Variants in AFF3 observed in about 807,000 individuals in gnomAD.
The protein encoded by AFF3 is AF4/FMR2 family member 3.
In AFF3, 32 loss-of-function variants were observed where a neutral mutation model predicts 129.7. That is an observed-to-expected ratio of 0.25 (90% confidence interval 0.19 to 0.33). AFF3 has a LOEUF of 0.33. Ranked by LOEUF, AFF3 falls within the 10% of genes least tolerant of loss-of-function variation. The pLI is 1.00. For synonymous variants in AFF3, 644 were observed against 635.4 expected (o/e 1.01, Z -0.20); for missense variants, 1,373 against 1,592.0 (o/e 0.86, Z 2.34).
At chr2:99,659,925 C>T (rs561993405) in intron 12 of AFF3, among the ~76,000 whole-genome samples, 15 of 152,300 alleles carry the variant, frequency 9.8e-5, no homozygotes, top group African/African-American at 3.1e-4. Flanking sequence ...GACTCTGTGG[C>T]CTGCTCATCT....
At chr2:100,088,766 C>T (rs572284725) in intron 4 of AFF3, among the ~76,000 whole-genome samples, 22 of 151,784 alleles carry the variant, frequency 1.4e-4, no homozygotes, top group African/African-American at 4.8e-4. Context: ...AATATTGCAT[C>T]GTGATACTCA....
intron 4 of AFF3, among the ~76,000 whole-genome samples, chr2:100,075,505 G>A (rs1397736258): frequency 6.6e-6 from 1 of 152,106 alleles, no homozygotes; most frequent in Non-Finnish European, 1.5e-5. Flanking sequence ...ACTAAAGAAT[G>A]CCCTTCCACA....
chr2:99,723,849 G>A (rs560692130), intron 11 of AFF3, among the ~76,000 whole-genome samples: 38 of 152,252 alleles, frequency 2.5e-4, no homozygotes, highest in African/African-American at 8.9e-4. Context: ...AATCCAATAT[G>A]ACTGCTGACT....
chr2:99,868,797 T>G (rs1183030108), intron 7 of AFF3, among the ~76,000 whole-genome samples: 1 of 152,110 alleles, frequency 6.6e-6, no homozygotes, highest in Non-Finnish European at 1.5e-5. Flanking sequence ...ACAGTCCTAT[T>G]ATTTTCTGTT....
At position 99,905,189 on chromosome 2, in the gene AFF3, G is replaced by A. The variant is rs116296768; in HGVS notation, c.874-67665C>T. On this transcript the variant is annotated intron_variant, in intron 7 of 24. Coordinates refer to ENST00000672756, the MANE Select transcript of AFF3 (RefSeq NM_001386135.1). Reference sequence around the variant, plus strand: ...CACAACTTTGTGGGAATCTGATGGCGCACGTCTGTTCTGGAGGAACTTGCT... The same window carrying A: ...CACAACTTTGTGGGAATCTGATGGCACACGTCTGTTCTGGAGGAACTTGCT... Among the ~76,000 whole-genome samples, 19 of 152,312 alleles carry A rather than the reference G, an allele frequency of 1.2e-4. No homozygotes were observed. The South Asian group carries it at 1.9e-3, about 15-fold the overall frequency.
chr2:99,844,079 T>C (rs1689522288), intron 7 of AFF3, among the ~76,000 whole-genome samples: 1 of 151,478 alleles, frequency 6.6e-6, no homozygotes, highest in Non-Finnish European at 1.5e-5. Context: ...AAAAGGAAAA[T>C]AAAAAACTTC....
intron 8 of AFF3, among the ~76,000 whole-genome samples, chr2:99,806,111 T>C (rs1686330750): frequency 6.6e-6 from 1 of 152,186 alleles, no homozygotes; most frequent in Non-Finnish European, 1.5e-5. Context: ...ACCCTCATAT[T>C]ATGCATTGCA....
At chr2:99,909,114 T>A (rs540697882) in intron 7 of AFF3, among the ~76,000 whole-genome samples, 42 of 152,058 alleles carry the variant, frequency 2.8e-4, no homozygotes, top group African/African-American at 9.9e-4. Flanking sequence ...TAGACTGGAT[T>A]AAGAAAATGT....
At chr2:99,781,032 G>T (rs1684364728) in intron 8 of AFF3, among the ~76,000 whole-genome samples, 1 of 152,136 alleles carries the variant, frequency 6.6e-6, no homozygotes, top group African/African-American at 2.4e-5. Context: ...GAAACCCAAG[G>T]TTCTTGGATC....
intron 8 of AFF3, among the ~76,000 whole-genome samples, chr2:99,784,717 G>A (rs1476604525): frequency 1.3e-5 from 2 of 152,162 alleles, no homozygotes; most frequent in Non-Finnish European, 2.9e-5. Context: ...GAATAATGTG[G>A]ACTTACTTTC....
At chr2:100,088,066 C>T (rs2576676) in intron 4 of AFF3, among the ~76,000 whole-genome samples, 66,316 of 134,884 alleles carry the variant, frequency 0.49, 17,160 homozygotes, top group African/African-American at 0.6. Context: ...GATAATATCA[C>T]ACTCAACAGT....
chr2:99,756,299 C>G (rs1448173764), intron 8 of AFF3, among the ~76,000 whole-genome samples: 1 of 152,238 alleles, frequency 6.6e-6, no homozygotes, highest in Non-Finnish European at 1.5e-5. Context: ...CATTCCTAGT[C>G]TGTTCCTTTT....
At chr2:99,971,652 C>T (rs1678391370) in intron 7 of AFF3, among the ~76,000 whole-genome samples, 1 of 152,132 alleles carries the variant, frequency 6.6e-6, no homozygotes, top group Non-Finnish European at 1.5e-5. Flanking sequence ...TTTTGATCCA[C>T]TTTGTATTGA....
chr2:100,109,357 A>C (rs1302642670), intron 2 of AFF3, among the ~76,000 whole-genome samples: 1 of 145,770 alleles, frequency 6.9e-6, no homozygotes, highest in Non-Finnish European at 1.5e-5. Context: ...CATTTTAAAA[A>C]GAAAAAGGCA....
intron 7 of AFF3, among the ~76,000 whole-genome samples, chr2:99,896,652 T>C (rs13005479): frequency 1.6e-5 from 2 of 127,442 alleles, no homozygotes; most frequent in Non-Finnish European, 3.2e-5. Flanking sequence ...TTTTTTTTTT[T>C]GGAGACGGAG....
intron 13 of AFF3, among the ~76,000 whole-genome samples, chr2:99,630,050 TG>T (rs978144478): frequency 6.6e-6 from 1 of 152,196 alleles, no homozygotes; most frequent in African/African-American, 2.4e-5. Flanking sequence ...GGGCTGCCTA[TG>T]GGGGCAAGTG....
chr2:100,061,191 T>C (rs1687242501), intron 4 of AFF3, among the ~76,000 whole-genome samples: 1 of 152,190 alleles, frequency 6.6e-6, no homozygotes, highest in South Asian at 2.1e-4. Flanking sequence ...CTTGCCCTAG[T>C]GTGATGTTTG....
chr2:99,833,492 C>G (rs1419682126), intron 8 of AFF3, among the ~76,000 whole-genome samples: 1 of 152,170 alleles, frequency 6.6e-6, no homozygotes, highest in African/African-American at 2.4e-5. Flanking sequence ...AGATGTTACA[C>G]TGAAATTGTC....
chr2:99,832,611 T>C (rs1688588136), intron 8 of AFF3, among the ~76,000 whole-genome samples: 1 of 152,232 alleles, frequency 6.6e-6, no homozygotes, highest in Non-Finnish European at 1.5e-5. Context: ...TTATGAACAA[T>C]TAATCTCACA....
Sources: allele counts gnomAD v4.1 joint callset (sites outside exome capture counted in the v4.1 genomes callset), GRCh38; gene constraint gnomAD v4.1.1; transcripts MANE v1.5; gene names NCBI Gene and HGNC (gene_info 2026-07-23, HGNC 2026-07-21).